KLHL1: variants seen among roughly 807,000 people sequenced by gnomAD.
KLHL1 encodes kelch-like protein 1.
Under a neutral mutation model 77.7 loss-of-function variants are expected in KLHL1, and 47 were observed. The observed-to-expected ratio is 0.60, with a 90% CI of 0.48 to 0.77. The LOEUF (loss-of-function observed/expected upper bound fraction) is 0.77. KLHL1 is among the 30% of genes least tolerant of loss of function. The pLI is 0.00. For synonymous variants in KLHL1, 360 were observed against 325.2 expected, an observed-to-expected ratio of 1.11 and a Z score of -1.15; for missense variants, 925 against 910.8, an observed-to-expected ratio of 1.02 and a Z score of -0.20.
chr13:69,927,724 T>C (rs1482352483), intron 4 of KLHL1, among the ~76,000 whole-genome samples: 2 of 152,174 alleles, frequency 1.3e-5, no homozygotes, highest in South Asian at 2.1e-4. Flanking sequence ...CATACTAGGA[T>C]GGCTATAATC....
Position 69,940,089 on chromosome 13 carries a change from T to A in KLHL1, c.965A>T (p.Asp322Val). The change falls in exon 4 of 11, where the codon GAT becomes GTT. Residue 322 changes from aspartate (D) to valine (V), a missense_variant. Transcript: ENST00000377844. ...SNCLGIRAFA[D>V]AQGCIELMKV... ...CATTAACTCAATGCATCCTTGAGCA[T>A]CTGCGAAGGCTCGAATTCCTAAACA... is the stretch of plus-strand genomic sequence containing the variant. The A allele has an allele frequency of 6.2e-7, 1 of 1,612,786 alleles. No homozygotes were observed.
intron 4 of KLHL1, among the ~76,000 whole-genome samples, chr13:69,909,285 T>C (rs1054440174): frequency 2.0e-5 from 3 of 151,866 alleles, no homozygotes; most frequent in Non-Finnish European, 4.4e-5. Context: ...TAAGCACACT[T>C]ACAGATGCAG....
chr13:69,805,987 T>C (rs1304684059), intron 6 of KLHL1, among the ~76,000 whole-genome samples: 1 of 152,076 alleles, frequency 6.6e-6, no homozygotes, highest in Non-Finnish European at 1.5e-5. Context: ...AGTATATAAC[T>C]ATAGCGTTTT....
At chr13:69,733,588 G>C (rs1039293106) in intron 8 of KLHL1, among the ~76,000 whole-genome samples, 1 of 152,120 alleles carries the variant, frequency 6.6e-6, no homozygotes, top group Non-Finnish European at 1.5e-5. Context: ...ATATACAAAT[G>C]ACTAATACAT....
intron 7 of KLHL1, among the ~76,000 whole-genome samples, chr13:69,789,821 A>C (rs1876776357): frequency 6.6e-6 from 1 of 152,132 alleles, no homozygotes; most frequent in Non-Finnish European, 1.5e-5. Context: ...AAAGCAAAGA[A>C]GGAAAGAAAG....
intron 1 of KLHL1, among the ~76,000 whole-genome samples, chr13:70,024,627 T>TCTCTCTCTCTTTCTCTCTTTCTCTCTCC (rs1885891305): frequency 1.5e-5 from 1 of 64,926 alleles, no homozygotes; most frequent in Admixed American, 1.3e-4. Context: ...GATTTCTCTC[T>TCTCTCTCTCTTTCTCTCTTTCTCTCTCC]CTCTCTCTCT....
chr13:70,083,721 G>A (rs571985263), intron 1 of KLHL1, among the ~76,000 whole-genome samples: 19 of 152,048 alleles, frequency 1.2e-4, no homozygotes, highest in African/African-American at 3.6e-4. Flanking sequence ...AATTATATAC[G>A]AATTAATATT....
At chr13:69,792,711 A>T (rs1876922359) in intron 7 of KLHL1, among the ~76,000 whole-genome samples, 1 of 152,218 alleles carries the variant, frequency 6.6e-6, no homozygotes, top group African/African-American at 2.4e-5. Flanking sequence ...CCATAAACGG[A>T]ATGAAATATC....
In KLHL1 at chr13:69,785,202, A is replaced by G. The variant is rs568953204; in HGVS notation, c.1639+11536T>C. Among the ~76,000 whole-genome samples the G allele has an allele frequency of 1.4e-3, 212 of 152,040 alleles. 1 individual carries two copies. Among genetic ancestry groups the G allele is most frequent in the African/African-American group, 4.8e-3 (199 of 41,482 alleles). On this transcript the variant is annotated intron_variant, in intron 7 of 10. Transcript: ENST00000377844. The stretch of plus-strand genomic sequence containing the variant: ...CCACCGCGCCCGGCCCAGAATATAC[A>G]TTTTTTTCAGCACCACACCACACCT...
At chr13:69,769,427 C>A (rs531407684) in intron 7 of KLHL1, among the ~76,000 whole-genome samples, 4 of 152,194 alleles carry the variant, frequency 2.6e-5, no homozygotes, top group East Asian at 1.9e-4. Flanking sequence ...AGGAGACAGA[C>A]AAATTCCTAG....
intron 4 of KLHL1, among the ~76,000 whole-genome samples, chr13:69,916,192 G>A (rs1353660209): frequency 1.3e-5 from 2 of 151,658 alleles, no homozygotes; most frequent in East Asian, 3.9e-4. Context: ...CGATTCCTCA[G>A]GGATCTAGAA....
intron 8 of KLHL1, among the ~76,000 whole-genome samples, chr13:69,735,951 T>C (rs1055555817): frequency 1.3e-5 from 2 of 152,210 alleles, no homozygotes; most frequent in African/African-American, 4.8e-5. Context: ...ATGTATTCAT[T>C]GTATATGTGT....
chr13:69,892,661 T>G, intron 4 of KLHL1, among the ~76,000 whole-genome samples: 1 of 152,324 alleles, frequency 6.6e-6, no homozygotes, highest in African/African-American at 2.4e-5. Flanking sequence ...AACCTAAGAT[T>G]TATTTAGTCT....
At chr13:69,856,333 C>T (rs749049585) in intron 5 of KLHL1, among the ~76,000 whole-genome samples, 14 of 151,994 alleles carry the variant, frequency 9.2e-5, no homozygotes, top group Non-Finnish European at 1.8e-4. Flanking sequence ...GTCACTTGGT[C>T]CTCTTCATGT....
intron 1 of KLHL1, among the ~76,000 whole-genome samples, chr13:70,074,026 A>G (rs1887202341): frequency 6.6e-6 from 1 of 151,972 alleles, no homozygotes; most frequent in South Asian, 2.1e-4. Context: ...GGGTTTCTCC[A>G]TGTTGGTCAG....
At chr13:70,093,092 C>T (rs1326251202) in intron 1 of KLHL1, among the ~76,000 whole-genome samples, 1 of 151,898 alleles carries the variant, frequency 6.6e-6, no homozygotes, top group South Asian at 2.1e-4. Flanking sequence ...AATTATTTAA[C>T]CTTAAAACAT....
intron 8 of KLHL1, among the ~76,000 whole-genome samples, chr13:69,738,379 G>C (rs537340533): frequency 5.9e-5 from 9 of 152,232 alleles, no homozygotes; most frequent in African/African-American, 1.7e-4. Flanking sequence ...CAAGTGCACA[G>C]AACTGGGCGG....
At chr13:69,911,060 A>G (rs1002882868) in intron 4 of KLHL1, among the ~76,000 whole-genome samples, 1 of 152,118 alleles carries the variant, frequency 6.6e-6, no homozygotes, top group South Asian at 2.1e-4. Flanking sequence ...CCCAGAAGGT[A>G]CACTAGACAA....
At chr13:69,771,902 T>A (rs889748757) in intron 7 of KLHL1, among the ~76,000 whole-genome samples, 5 of 152,164 alleles carry the variant, frequency 3.3e-5, no homozygotes, top group African/African-American at 1.2e-4. Flanking sequence ...TTTTTTCTCA[T>A]GTATATCTTT....
Sources: gnomAD v4.1 joint callset for allele counts (sites outside exome capture counted in the v4.1 genomes callset) on GRCh38, gnomAD v4.1.1 for gene constraint, MANE v1.5 for transcripts, NCBI Gene and HGNC (gene_info 2026-07-23, HGNC 2026-07-21) for gene names.